The following AOX1 variants were observed in gnomAD, a reference collection of about 807,000 sequenced individuals.
AOX1 encodes the protein aldehyde oxidase.
A neutral mutation model predicts 169.5 loss-of-function variants in AOX1; 153 were observed. The observed-to-expected ratio is 0.90, with a 90% CI of 0.79 to 1.03. The LOEUF (loss-of-function observed/expected upper bound fraction) is 1.03. Among genes scored for constraint, AOX1 ranks in the 50% least tolerant of loss-of-function variants. The probability of loss-of-function intolerance (pLI) is 0.00; values close to 1 mark genes in which losing one functional copy is unlikely to be tolerated. For missense variants in AOX1, 1,656 were observed against 1,663.9 expected, an observed-to-expected ratio of 1.00 and a Z score of 0.08; for synonymous variants, 562 against 581.9, an observed-to-expected ratio of 0.97 and a Z score of 0.49.
intron 33 of AOX1, among the ~76,000 whole-genome samples, chr2:200,669,078 G>A (rs907636041): frequency 2.6e-5 from 4 of 152,118 alleles, no homozygotes; most frequent in Non-Finnish European, 5.9e-5. Context: ...TCTGTATGTA[G>A]GTCATTTCCT....
At chr2:200,640,199 T>TA (rs1274024334) in intron 23 of AOX1, among the ~76,000 whole-genome samples, 1 of 151,892 alleles carries the variant, frequency 6.6e-6, no homozygotes, top group Non-Finnish European at 1.5e-5. Context: ...TGGAAGGTAG[T>TA]AAAAAATAGG....
downstream of AOX1, among the ~76,000 whole-genome samples, chr2:200,680,074 A>G (rs564129855): frequency 6.6e-6 from 1 of 152,298 alleles, no homozygotes; most frequent in African/African-American, 2.4e-5. Context: ...GCAAGACTTC[A>G]TCTCTAAAAA....
intron 31 of AOX1, among the ~76,000 whole-genome samples, chr2:200,665,766 A>G (rs2035914118): frequency 6.6e-6 from 1 of 152,186 alleles, no homozygotes. Context: ...ACCTTCACTA[A>G]CACTGAAGAC....
intron 21 of AOX1, among the ~76,000 whole-genome samples, chr2:200,636,080 C>A (rs967297443): frequency 7.3e-6 from 1 of 136,642 alleles, no homozygotes; most frequent in South Asian, 2.6e-4. Flanking sequence ...ACCAACTGGT[C>A]ATCTTTAGCA....
intron 26 of AOX1, among the ~76,000 whole-genome samples, chr2:200,653,406 T>C (rs528285035): frequency 6.6e-6 from 1 of 152,226 alleles, no homozygotes; most frequent in Non-Finnish European, 1.5e-5. Context: ...GCCTTCTCCA[T>C]GGAAGGACCT....
At chr2:200,627,787 G>C (rs569594262) in intron 20 of AOX1, among the ~76,000 whole-genome samples, 1 of 152,126 alleles carries the variant, frequency 6.6e-6, no homozygotes, top group Non-Finnish European at 1.5e-5. Flanking sequence ...GGAAAATGGA[G>C]GCTCAGCGTA....
In AOX1 at chr2:200,660,025, G is replaced by A. The variant is rs141255847; in HGVS notation, c.3331G>A (p.Glu1111Lys). ...DACQTLLKRLEPIISKNPKGT... is the reference protein window; with the variant it reads ...DACQTLLKRLKPIISKNPKGT... ...CTGTCAAACTCTTCTAAAACGCCTC[G>A]AACCCATCATCAGCAAGAATCCTAA... Residue 1111 changes from glutamate to lysine, a missense_variant, in exon 29 of 35, where the codon GAA (glutamate) becomes AAA (lysine). Transcript: ENST00000374700. The A allele has an allele frequency of 1.3e-4, 204 of 1,613,750 alleles. No individual in the cohort carries two copies. Among genetic ancestry groups the A allele is most frequent in the Middle Eastern group, 5.0e-4 (3 of 6,060 alleles).
intron 12 of AOX1, among the ~76,000 whole-genome samples, chr2:200,610,434 A>G (rs10497853): frequency 0.068 from 10,304 of 152,260 alleles, 514 homozygotes; most frequent in Admixed American, 0.096. Context: ...ACATCCCCTA[A>G]AAGTCATACT....
chr2:200,679,656 G>GCCCC (rs35141860), downstream of AOX1, among the ~76,000 whole-genome samples: 20 of 149,782 alleles, frequency 1.3e-4, no homozygotes, highest in African/African-American at 4.9e-4. Flanking sequence ...AGGTAGTGAC[G>GCCCC]CCCCCCCCCG....
At chr2:200,667,119 A>C (rs1367042176) in intron 32 of AOX1, among the ~76,000 whole-genome samples, 9 of 152,182 alleles carry the variant, frequency 5.9e-5, no homozygotes, top group Non-Finnish European at 1.2e-4. Context: ...GTGTTGGGAT[A>C]ACAAGCCTCA....
chr2:200,602,242 T>A, intron 5 of AOX1, 42 bp from the exon 6 acceptor site: 4 of 1,575,188 alleles, frequency 2.5e-6, no homozygotes, highest in Non-Finnish European at 3.5e-6. Context: ...TGTGCCTCTA[T>A]CTGGGTCACT....
chr2:200,659,929 T>C (rs937713092), intron 28 of AOX1, 66 bp from the exon 29 acceptor site: 3 of 1,231,232 alleles, frequency 2.4e-6, no homozygotes, highest in East Asian at 4.7e-5. Flanking sequence ...GTACATATTA[T>C]GTTGTTTTGA....
At chr2:200,633,185 G>A (rs913649004) in intron 20 of AOX1, among the ~76,000 whole-genome samples, 1 of 152,090 alleles carries the variant, frequency 6.6e-6, no homozygotes, top group African/African-American at 2.4e-5. Flanking sequence ...TCTGAAGTTT[G>A]ACTATGAGGT....
At chr2:200,601,347 T>C (rs1484924763) in intron 5 of AOX1, among the ~76,000 whole-genome samples, 2 of 152,158 alleles carry the variant, frequency 1.3e-5, no homozygotes, top group Non-Finnish European at 2.9e-5. Context: ...GGTAAAAAGT[T>C]TCAGTTATGC....
At chr2:200,673,743 A>G (rs995182687), downstream of AOX1, among the ~76,000 whole-genome samples, 22 of 152,258 alleles carry the variant, frequency 1.4e-4, no homozygotes, top group African/African-American at 5.3e-4. Context: ...ACATGTCCCA[A>G]ATCCCTAAGA....
intron 27 of AOX1, among the ~76,000 whole-genome samples, chr2:200,657,165 A>AAAAAAAAAAAATATATATATATAT (rs1179205121): frequency 1.1e-5 from 1 of 88,408 alleles, no homozygotes; most frequent in African/African-American, 5.2e-5. Flanking sequence ...CTCTACCAAA[A>AAAAAAAAAAAATATATATATATAT]ATATATATAT....
At chr2:200,612,566 A>G in intron 13 of AOX1, 43 bp from the exon 14 acceptor site, 1 of 1,596,118 alleles carries the variant, frequency 6.3e-7, no homozygotes, top group Non-Finnish European at 8.6e-7. Context: ...TGCATAGGTG[A>G]TGCTCAGTGT....
chr2:200,680,065 C>G (rs1036794819), downstream of AOX1, among the ~76,000 whole-genome samples: 109 of 152,132 alleles, frequency 7.2e-4, no homozygotes, highest in African/African-American at 2.4e-3. Flanking sequence ...AGTGACAGAG[C>G]AAGACTTCAT....
At chr2:200,615,728 C>T (rs991511762) in intron 15 of AOX1, among the ~76,000 whole-genome samples, 1 of 152,132 alleles carries the variant, frequency 6.6e-6, no homozygotes, top group Non-Finnish European at 1.5e-5. Context: ...CTGGTGGAAG[C>T]CAGTTACCTA....
Sources: allele counts gnomAD v4.1 joint callset (sites outside exome capture counted in the v4.1 genomes callset), GRCh38; gene constraint gnomAD v4.1.1; transcripts MANE v1.5; gene names NCBI Gene and HGNC (gene_info 2026-07-23, HGNC 2026-07-21).